CHL1: variants seen among roughly 807,000 people sequenced by gnomAD.
The protein encoded by CHL1 is neural cell adhesion molecule L1-like protein.
A neutral mutation model predicts 141.9 loss-of-function variants in CHL1; 96 were observed. The observed-to-expected ratio is 0.68, with a 90% CI of 0.57 to 0.80. The LOEUF (loss-of-function observed/expected upper bound fraction) is 0.80, where lower values mean the gene tolerates loss of function less well. Among genes scored for constraint, CHL1 ranks in the 30% least tolerant of loss-of-function variants. CHL1 has a pLI of 0.00. For synonymous variants in CHL1, 613 were observed against 502.2 expected, an observed-to-expected ratio of 1.22 and a Z score of -2.95; for missense variants, 1,820 against 1,457.2, an observed-to-expected ratio of 1.25 and a Z score of -4.05.
At chr3:225,715 A>G (rs1027872844) in intron 1 of CHL1, among the ~76,000 whole-genome samples, 49 of 152,140 alleles carry the variant, frequency 3.2e-4, no homozygotes, top group African/African-American at 1.2e-3. Context: ...AGGAACAGTT[A>G]AGAATAGGTT....
intron 25 of CHL1, 53 bp downstream of exon 25, chr3:398,438 A>C: frequency 8.4e-7 from 1 of 1,190,472 alleles, no homozygotes. Context: ...TGTCCTGTAG[A>C]ATACTTAGTG....
chr3:227,520 C>T (rs958447551), intron 1 of CHL1, among the ~76,000 whole-genome samples: 1 of 152,126 alleles, frequency 6.6e-6, no homozygotes, highest in Non-Finnish European at 1.5e-5. Context: ...AGGTGATATG[C>T]ATGTGGAGAA....
chr3:396,962 G>T (rs1708726722), intron 24 of CHL1, among the ~76,000 whole-genome samples: 1 of 152,070 alleles, frequency 6.6e-6, no homozygotes. Context: ...CTTTCTTCTT[G>T]CTCTGCCTAT....
chr3:371,906 T>C (rs1212406734), intron 15 of CHL1, among the ~76,000 whole-genome samples: 1 of 152,212 alleles, frequency 6.6e-6, no homozygotes, highest in Non-Finnish European at 1.5e-5. Context: ...CTGAAAATTC[T>C]TTTCTTTAAG....
chr3:382,759 T>A (rs1231328420), intron 18 of CHL1, 88 bp downstream of exon 18: 1 of 1,163,384 alleles, frequency 8.6e-7, no homozygotes, highest in Non-Finnish European at 1.3e-6. Flanking sequence ...GATAGAGTAA[T>A]GTAGGATTTT....
rs1028897381 is a variant in CHL1 at position 328,152 on chromosome 3, A to G, written c.198-15A>G. 6.3e-7 allele frequency: 1 copy of G among 1,588,128 alleles called. No individual in the cohort carries two copies. The highest frequency in any genetic ancestry group is 1.7e-5 in the Admixed American group (1 of 57,344). On this transcript the variant is annotated splice_polypyrimidine_tract_variant and intron_variant, in intron 4 of 27. Transcript: ENST00000256509. ...ATTATTTTTCAGGATTATTAAGTTC[A>G]GTTTTATGTTTTAGATTTTCGTGGA...
intron 1 of CHL1, among the ~76,000 whole-genome samples, chr3:241,577 C>G (rs1475718109): frequency 8.4e-6 from 1 of 119,560 alleles, no homozygotes. Flanking sequence ...CAGTATACTT[C>G]TCTCTGGTTT....
intron 15 of CHL1, among the ~76,000 whole-genome samples, chr3:371,774 T>C (rs577667252): frequency 4.6e-5 from 7 of 152,226 alleles, no homozygotes; most frequent in Non-Finnish European, 8.8e-5. Context: ...AGTGCTTTTT[T>C]TCGGGAGATC....
At chr3:225,813 T>C (rs996473118) in intron 1 of CHL1, among the ~76,000 whole-genome samples, 28 of 152,000 alleles carry the variant, frequency 1.8e-4, no homozygotes, top group Admixed American at 3.9e-4. Context: ...ATTGAGGCCA[T>C]CCTGGCTAAC....
Position 406,932 on chromosome 3 carries a change from G to T in CHL1, c.*1221G>T, listed in dbSNP as rs1447037476. The T allele has an allele frequency of 6.6e-6, 1 of 152,076 alleles. No homozygotes were observed. Among genetic ancestry groups the T allele is most frequent in the Non-Finnish European group, 1.5e-5 (1 of 67,990 alleles). 9.4% of individuals were successfully genotyped at this position (152,076 alleles called of 1,614,324 possible). A position where few individuals can be genotyped will look rare whatever the true frequency, so the allele number is the denominator to read the frequency against. ...ACCCCAGCCCCTCAAAAGAAAAACTGTTTACATAGAAATTCCTACACATAC... is the reference window on the plus strand; with the variant it reads ...ACCCCAGCCCCTCAAAAGAAAAACTTTTTACATAGAAATTCCTACACATAC... On this transcript the variant is annotated 3_prime_UTR_variant, in exon 28 of 28. Transcript: ENST00000256509.
intron 2 of CHL1, among the ~76,000 whole-genome samples, chr3:250,178 T>A (rs2125134182): frequency 6.6e-6 from 1 of 152,152 alleles, no homozygotes; most frequent in East Asian, 1.9e-4. Flanking sequence ...TTGCCCAGGC[T>A]GGTCTTGAAC....
chr3:359,190 G>C (rs897243965), intron 11 of CHL1, among the ~76,000 whole-genome samples: 4 of 151,870 alleles, frequency 2.6e-5, no homozygotes, highest in Non-Finnish European at 4.4e-5. Context: ...CCATGTAAAT[G>C]CTGATCCATC....
intron 1 of CHL1, among the ~76,000 whole-genome samples, chr3:209,018 G>C (rs1699678916): frequency 6.6e-6 from 1 of 152,114 alleles, no homozygotes; most frequent in Non-Finnish European, 1.5e-5. Context: ...AAAATATAAA[G>C]TTAATAAATG....
At chr3:390,861 T>C in intron 21 of CHL1, 45 bp downstream of exon 21, 7 of 1,502,052 alleles carry the variant, frequency 4.7e-6, no homozygotes, top group Non-Finnish European at 6.5e-6. Flanking sequence ...AATTGGTATC[T>C]TTCCTGAGAA....
At chr3:258,373 T>G (rs1694376524) in intron 2 of CHL1, among the ~76,000 whole-genome samples, 1 of 152,230 alleles carries the variant, frequency 6.6e-6, no homozygotes, top group African/African-American at 2.4e-5. Flanking sequence ...TTGCAATCTG[T>G]GGCCAACATC....
chr3:398,936 G>T, intron 25 of CHL1, 81 bp from the exon 26 acceptor site: 1 of 1,329,930 alleles, frequency 7.5e-7, no homozygotes, highest in Non-Finnish European at 1.1e-6. Flanking sequence ...GTTTAAAAAT[G>T]ATGTCTAATT....
chr3:297,913 G>C (rs955851468), intron 2 of CHL1, among the ~76,000 whole-genome samples: 6 of 152,188 alleles, frequency 3.9e-5, no homozygotes, highest in Non-Finnish European at 8.8e-5. Context: ...GGGGATTATA[G>C]AGCTGGATAA....
rs1709568362 is a variant in CHL1 at position 406,959 on chromosome 3, T to C, written c.*1248T>C. The C allele has an allele frequency of 6.6e-6, 1 of 152,092 alleles. No individual in the cohort carries two copies. Among genetic ancestry groups the C allele is most frequent in the South Asian group, 2.1e-4 (1 of 4,828 alleles). 9.4% of individuals were successfully genotyped at this position (152,092 alleles called of 1,614,324 possible). ...TTACATAGAAATTCCTACACATACGTTTGCGTATATGTTATTTTAAACATC... is the reference window on the plus strand; with the variant it reads ...TTACATAGAAATTCCTACACATACGCTTGCGTATATGTTATTTTAAACATC... On this transcript the variant is annotated 3_prime_UTR_variant, in exon 28 of 28. Transcript: ENST00000256509.
chr3:229,057 A>G (rs143958057), intron 1 of CHL1, among the ~76,000 whole-genome samples: 2 of 152,328 alleles, frequency 1.3e-5, no homozygotes, highest in African/African-American at 4.8e-5. Context: ...TAGTTTACAC[A>G]GGATTAATTG....
Sources: allele counts gnomAD v4.1 joint callset (sites outside exome capture counted in the v4.1 genomes callset), GRCh38; gene constraint gnomAD v4.1.1; transcripts MANE v1.5; gene names NCBI Gene and HGNC (gene_info 2026-07-23, HGNC 2026-07-21).